MLLT10: variants seen among roughly 807,000 people sequenced by gnomAD.
MLLT10 encodes the protein protein AF-10.
In MLLT10, 30 loss-of-function variants were observed where a neutral mutation model predicts 129.1. That is an observed-to-expected ratio of 0.23 (90% CI 0.17 to 0.32). MLLT10 has a LOEUF of 0.32. Ranked by LOEUF, MLLT10 falls within the 10% of genes least tolerant of loss-of-function variation. MLLT10 has a pLI of 1.00. For missense variants in MLLT10, 1,119 were observed against 1,268.3 expected (o/e 0.88, Z 1.79); for synonymous variants, 490 against 446.4 (o/e 1.10, Z -1.23).
At chr10:21,619,660 C>T (rs1290751049) in intron 8 of MLLT10, among the ~76,000 whole-genome samples, 1 of 152,072 alleles carries the variant, frequency 6.6e-6, no homozygotes, top group East Asian at 1.9e-4. Context: ...TTTAATATAA[C>T]TTGAGTTTTT....
intron 3 of MLLT10, among the ~76,000 whole-genome samples, chr10:21,586,037 C>T (rs745809396): frequency 6.6e-6 from 1 of 152,308 alleles, no homozygotes; most frequent in East Asian, 1.9e-4. Flanking sequence ...CTAAGATTTA[C>T]AGGCCTGAGC....
At chr10:21,713,453 C>T (rs2056287846) in intron 13 of MLLT10, among the ~76,000 whole-genome samples, 1 of 152,188 alleles carries the variant, frequency 6.6e-6, no homozygotes, top group Non-Finnish European at 1.5e-5. Flanking sequence ...TGCTTCATTC[C>T]TCTATTTAAG....
At chr10:21,730,846 G>T in intron 16 of MLLT10, 54 bp from the exon 17 acceptor site, 1 of 1,592,732 alleles carries the variant, frequency 6.3e-7, no homozygotes, top group Non-Finnish European at 8.6e-7. Context: ...GTAAGAAACT[G>T]TACTCTCTTA....
intron 5 of MLLT10, among the ~76,000 whole-genome samples, chr10:21,602,913 T>C (rs899684829): frequency 6.6e-6 from 1 of 151,686 alleles, no homozygotes; most frequent in Non-Finnish European, 1.5e-5. Context: ...TTTGTATTTT[T>C]AGTAGAGACG....
intron 3 of MLLT10, among the ~76,000 whole-genome samples, chr10:21,562,777 C>T (rs1466936084): frequency 4.2e-5 from 6 of 141,330 alleles, no homozygotes; most frequent in South Asian, 2.3e-4. Context: ...ACGAATCTTG[C>T]GTTTTCTTCA....
At chr10:21,629,583 T>C (rs928199665) in intron 8 of MLLT10, among the ~76,000 whole-genome samples, 12 of 152,200 alleles carry the variant, frequency 7.9e-5, no homozygotes, top group Non-Finnish European at 1.2e-4. Flanking sequence ...TAAATAATAG[T>C]TGACAAAAGG....
At chr10:21,653,751 G>A (rs927595574) in intron 9 of MLLT10, among the ~76,000 whole-genome samples, 1 of 152,174 alleles carries the variant, frequency 6.6e-6, no homozygotes, top group Non-Finnish European at 1.5e-5. Flanking sequence ...ATTAATATTA[G>A]ACATCTGAGT....
chr10:21,681,494 T>C, intron 12 of MLLT10, 118 bp downstream of exon 12: 1 of 660,418 alleles, frequency 1.5e-6, no homozygotes, highest in Non-Finnish European at 2.6e-6. Context: ...AAGTTTTTCT[T>C]AATTGAACAG....
At chr10:21,585,888 A>C (rs1369002961) in intron 3 of MLLT10, among the ~76,000 whole-genome samples, 2 of 152,080 alleles carry the variant, frequency 1.3e-5, no homozygotes, top group African/African-American at 4.8e-5. Flanking sequence ...CAGCCTCCCC[A>C]GTAGCTGGGA....
At chr10:21,683,882 G>A (rs1393269705) in intron 13 of MLLT10, among the ~76,000 whole-genome samples, 6 of 152,034 alleles carry the variant, frequency 3.9e-5, no homozygotes, top group Admixed American at 2.0e-4. Flanking sequence ...GATTACAGGC[G>A]TGAGCCACGA....
At chr10:21,549,217 G>A (rs1322576384) in intron 3 of MLLT10, among the ~76,000 whole-genome samples, 12 of 150,098 alleles carry the variant, frequency 8.0e-5, no homozygotes, top group South Asian at 6.3e-4. Flanking sequence ...TGCACCTCCC[G>A]GATTCAAGCA....
chr10:21,609,789 CTCTTTATTA>C (rs2044415404), intron 5 of MLLT10, among the ~76,000 whole-genome samples: 1 of 152,056 alleles, frequency 6.6e-6, no homozygotes, highest in African/African-American at 2.4e-5. Context: ...AATTCAGGTA[CTCTTTATTA>C]GTTTTCTTTT....
chr10:21,599,783 A>T (rs927437083), intron 5 of MLLT10, among the ~76,000 whole-genome samples: 6 of 152,092 alleles, frequency 3.9e-5, no homozygotes, highest in Admixed American at 3.9e-4. Context: ...GCCCAGGCTG[A>T]TCTTGAACTC....
At chr10:21,626,031 G>A in intron 8 of MLLT10, 1 of 1,266,426 alleles carries the variant, frequency 7.9e-7, no homozygotes, top group Non-Finnish European at 1.2e-6. Flanking sequence ...GTTACATTCA[G>A]AGTATAATCA....
At chr10:21,536,863 C>T (rs1183787522) in intron 2 of MLLT10, among the ~76,000 whole-genome samples, 1 of 152,156 alleles carries the variant, frequency 6.6e-6, no homozygotes, top group African/African-American at 2.4e-5. Context: ...CGGCTCACCG[C>T]AACCTCTGCA....
rs745404548 is a variant in MLLT10, at chr10:21,734,065, C to T, written c.2794C>T (p.Pro932Ser). 3 of 1,614,080 alleles carry T rather than the reference C, an allele frequency of 1.9e-6. No individual in the cohort carries two copies. The highest frequency in any genetic ancestry group is 2.2e-5 in the South Asian group (2 of 91,062). ...TGTCACAATGTCCCAGAACCCTACC[C>T]CTCTCACCCACACAACCGTACCACC... ...TPVTMSQNPT[P>S]LTHTTVPPNA... Residue 932 changes from proline (P) to serine (S), a missense_variant, in exon 20 of 23, where the codon CCT becomes TCT. By Grantham distance (74) the Pro-to-Ser change is moderately conservative. Around this residue, in one of 5 missense-constraint regions of MLLT10, gnomAD observed 1,004 missense variants for 1,008.7 expected, o/e 1.00. Coordinates refer to ENST00000307729, the MANE Select transcript of MLLT10 (RefSeq NM_001195626.3).
At chr10:21,544,463 G>A (rs1479937349) in intron 3 of MLLT10, among the ~76,000 whole-genome samples, 4 of 152,180 alleles carry the variant, frequency 2.6e-5, no homozygotes, top group Non-Finnish European at 5.9e-5. Flanking sequence ...ACTTCTCAGG[G>A]AAGGGGGATT....
At chr10:21,731,180 C>A (rs766424712) in intron 17 of MLLT10, 126 bp downstream of exon 17, 3 of 873,254 alleles carry the variant, frequency 3.4e-6, no homozygotes, top group Non-Finnish European at 5.2e-6. Flanking sequence ...TTATATAATA[C>A]AGTGAGAGAA....
In MLLT10 at chr10:21,741,913, G is replaced by C. The variant is rs141741524; in HGVS notation, c.3163-26G>C. ...ATTATCAAAAGTTGATTTAGCTAACGCATCTGCTCTTTTGTTTACCTGCAG... is the reference window on the plus strand; with the variant it reads ...ATTATCAAAAGTTGATTTAGCTAACCCATCTGCTCTTTTGTTTACCTGCAG... On this transcript the variant is annotated intron_variant, in intron 22 of 22. Coordinates refer to ENST00000307729, the MANE Select transcript of MLLT10 (RefSeq NM_001195626.3). 5 of 1,602,054 alleles carry C rather than the reference G, an allele frequency of 3.1e-6. No individual in the cohort carries two copies. The South Asian group carries it at 4.5e-5, about 14-fold the overall frequency.
Sources: allele counts gnomAD v4.1 joint callset (sites outside exome capture counted in the v4.1 genomes callset), GRCh38; gene constraint gnomAD v4.1.1; regional missense constraint gnomAD v4.1.1; transcripts MANE v1.5; gene names NCBI Gene and HGNC (gene_info 2026-07-23, HGNC 2026-07-21).